MGAT4C: variants seen among roughly 807,000 people sequenced by gnomAD.
MGAT4C encodes the protein MGAT4 family member C.
Under a neutral mutation model 40.1 loss-of-function variants are expected in MGAT4C, and 19 were observed. The observed-to-expected ratio is 0.47, with a 90% CI of 0.33 to 0.70. The LOEUF is 0.70. MGAT4C is among the 30% of genes least tolerant of loss of function. The pLI, the probability that MGAT4C is intolerant of heterozygous loss-of-function variation, is 0.02. For missense variants in MGAT4C, 491 were observed against 563.2 expected (o/e 0.87, Z 1.30); for synonymous variants, 181 against 187.1 (o/e 0.97, Z 0.27).
intron 2 of MGAT4C, among the ~76,000 whole-genome samples, chr12:86,622,384 C>T (rs1962666058): frequency 6.6e-6 from 1 of 152,004 alleles, no homozygotes; most frequent in Non-Finnish European, 1.5e-5. Context: ...AGTAACCCAT[C>T]TATTTGAGGA....
At chr12:86,546,053 T>G (rs960824205) in intron 2 of MGAT4C, among the ~76,000 whole-genome samples, 3 of 151,956 alleles carry the variant, frequency 2.0e-5, no homozygotes, top group Non-Finnish European at 4.4e-5. Flanking sequence ...TAGATCCCAA[T>G]GCTCAAAACG....
intron 1 of MGAT4C, among the ~76,000 whole-genome samples, chr12:86,826,524 A>C (rs925771224): frequency 6.6e-6 from 1 of 151,558 alleles, no homozygotes; most frequent in East Asian, 1.9e-4. Flanking sequence ...ATGCCATCAC[A>C]ATATTTTTGT....
At position 86,747,828 on chromosome 12, in the gene MGAT4C, C is replaced by T. The variant is rs112077997; in HGVS notation, c.-261-20587G>A. Among the ~76,000 whole-genome samples, 144 of 151,104 alleles carry T rather than the reference C, an allele frequency of 9.5e-4. 3 individuals are homozygous for T. The highest frequency in any genetic ancestry group is 2.1e-3 in the African/African-American group (86 of 41,282). ...TGGCTGATACGTGCAATTTGAAAGA[C>T]GATAGACCTGAGTTGTGCGTATGAG... On this transcript the variant is annotated intron_variant, in intron 1 of 7. Coordinates refer to the MGAT4C transcript ENST00000548651.
At chr12:86,299,186 G>A (rs1055336877) in intron 4 of MGAT4C, among the ~76,000 whole-genome samples, 1 of 152,112 alleles carries the variant, frequency 6.6e-6, no homozygotes, top group Non-Finnish European at 1.5e-5. Context: ...CGCGATCTCG[G>A]CTCACTGCAA....
rs869139864 is a variant in MGAT4C at position 85,987,116 on chromosome 12, A to ATT, written c.147+2282_147+2283dup. On this transcript the variant is annotated intron_variant, in intron 3 of 4. Coordinates refer to ENST00000611864, the MANE Select transcript of MGAT4C (RefSeq NM_001351288.2). ...CTTTTGTAAGTATTTTAAAATAATA[A>ATT]TTTTTTTTTTTTTTTTTTTTTTTTT... is the stretch of plus-strand genomic sequence containing the variant. Among the ~76,000 whole-genome samples the ATT allele has an allele frequency of 9.5e-5, 7 of 73,830 alleles. 1 individual carries two copies. Among genetic ancestry groups the ATT allele is most frequent in the Admixed American group, 2.1e-4 (1 of 4,690 alleles). 48.4% of individuals were successfully genotyped at this position (73,830 alleles called of 152,430 possible).
chr12:86,123,723 G>A (rs893569842), intron 1 of MGAT4C, among the ~76,000 whole-genome samples: 8 of 151,968 alleles, frequency 5.3e-5, no homozygotes, highest in African/African-American at 1.2e-4. Context: ...AGTCCTGGAC[G>A]TGGCATCCTT....
At chr12:86,512,545 T>C (rs1414520558) in intron 2 of MGAT4C, among the ~76,000 whole-genome samples, 1 of 151,552 alleles carries the variant, frequency 6.6e-6, no homozygotes, top group Non-Finnish European at 1.5e-5. Context: ...TCCATTGATG[T>C]ATAAACGGAC....
At chr12:86,345,013 A>C (rs964113850) in intron 3 of MGAT4C, among the ~76,000 whole-genome samples, 1 of 149,674 alleles carries the variant, frequency 6.7e-6, no homozygotes, top group African/African-American at 2.4e-5. Context: ...GAATTATTCC[A>C]CTATTTATGC....
chr12:86,694,421 A>T (rs1181543422), intron 2 of MGAT4C, among the ~76,000 whole-genome samples: 1 of 152,160 alleles, frequency 6.6e-6, no homozygotes, highest in Non-Finnish European at 1.5e-5. Flanking sequence ...CTATCTTGAC[A>T]TTAGAGAACC....
rs75878855 is a variant in MGAT4C at position 86,774,369 on chromosome 12, T to C, written c.-261-47128A>G. 2.1e-3 allele frequency among the ~76,000 whole-genome samples: 18 copies of C among 8,630 alleles called. 3 individuals carry two copies. The South Asian group carries it at 0.029, about 14-fold the overall frequency. 5.7% of individuals were successfully genotyped at this position (8,630 alleles called of 152,430 possible). A position where few individuals can be genotyped will look rare whatever the true frequency, so the allele number is the denominator to read the frequency against. Reference sequence around the variant, plus strand: ...TCTCTCTCTCCCCTCTCTCTCTCTCTCTTTCTGTCTGTCTCTCTCTCTCTC... The same window carrying C: ...TCTCTCTCTCCCCTCTCTCTCTCTCCCTTTCTGTCTGTCTCTCTCTCTCTC... On this transcript the variant is annotated intron_variant, in intron 1 of 7. Coordinates refer to the MGAT4C transcript ENST00000548651.
At chr12:86,108,323 A>T (rs1474901345) in intron 1 of MGAT4C, among the ~76,000 whole-genome samples, 1 of 152,146 alleles carries the variant, frequency 6.6e-6, no homozygotes, top group Non-Finnish European at 1.5e-5. Context: ...CAAATTATAA[A>T]CAGGGTGTGA....
At chr12:86,710,852 C>T (rs1288927309) in intron 2 of MGAT4C, among the ~76,000 whole-genome samples, 1 of 152,074 alleles carries the variant, frequency 6.6e-6, no homozygotes, top group Non-Finnish European at 1.5e-5. Context: ...TACTACTTAG[C>T]CATAAAAAGG....
intron 1 of MGAT4C, among the ~76,000 whole-genome samples, chr12:86,132,791 C>CAAAAAAAA (rs60321690): frequency 5.1e-4 from 48 of 93,700 alleles, no homozygotes; most frequent in South Asian, 7.7e-4. Context: ...GACTCCGTCT[C>CAAAAAAAA]AAAAAAAAAA....
At chr12:86,649,879 A>C (rs919174706) in intron 2 of MGAT4C, among the ~76,000 whole-genome samples, 3 of 151,934 alleles carry the variant, frequency 2.0e-5, no homozygotes, top group Non-Finnish European at 4.4e-5. Flanking sequence ...ACTATTTTAT[A>C]AATTAGAACA....
intron 3 of MGAT4C, among the ~76,000 whole-genome samples, chr12:85,988,427 A>C (rs1295670953): frequency 1.3e-5 from 2 of 151,740 alleles, no homozygotes; most frequent in Non-Finnish European, 2.9e-5. Context: ...TTTTGGAAAT[A>C]CTCTCTCTCT....
intron 2 of MGAT4C, among the ~76,000 whole-genome samples, chr12:86,651,594 C>A (rs1963698735): frequency 6.6e-6 from 1 of 151,756 alleles, no homozygotes. Context: ...CTGCTATGAC[C>A]TAATGATCAC....
At chr12:86,731,205 T>C (rs150738062) in intron 1 of MGAT4C, among the ~76,000 whole-genome samples, 1 of 152,250 alleles carries the variant, frequency 6.6e-6, no homozygotes, top group African/African-American at 2.4e-5. Flanking sequence ...CTGTTCTGTA[T>C]AATAGAGACA....
chr12:86,529,034 T>G (rs899169693), intron 2 of MGAT4C, among the ~76,000 whole-genome samples: 1 of 152,058 alleles, frequency 6.6e-6, no homozygotes, highest in Non-Finnish European at 1.5e-5. Context: ...CTTCTCCAGT[T>G]TGACACAGAC....
chr12:86,246,645 G>A (rs1952045460), intron 1 of MGAT4C, among the ~76,000 whole-genome samples: 1 of 151,996 alleles, frequency 6.6e-6, no homozygotes, highest in East Asian at 1.9e-4. Flanking sequence ...AGTTATGAAG[G>A]CCAATTTACA....
Sources: allele counts gnomAD v4.1 joint callset (sites outside exome capture counted in the v4.1 genomes callset), GRCh38; gene constraint gnomAD v4.1.1; transcripts MANE v1.5; gene names NCBI Gene and HGNC (gene_info 2026-07-23, HGNC 2026-07-21).